The following TXNRD1 variants were observed in gnomAD, a reference collection of about 807,000 sequenced individuals.
The protein encoded by TXNRD1 is thioredoxin reductase 1, also known as thioredoxin reductase 1, cytoplasmic.
In TXNRD1, 57 loss-of-function variants were observed where a neutral mutation model predicts 80.3. The observed-to-expected ratio is 0.71, with a 90% CI of 0.57 to 0.89. The LOEUF is 0.89. Ranked by LOEUF, TXNRD1 falls within the 40% of genes least tolerant of loss-of-function variation. TXNRD1 has a pLI of 0.00. For synonymous variants in TXNRD1, 291 were observed against 285.2 expected (o/e 1.02, Z -0.20); for missense variants, 730 against 803.0 (o/e 0.91, Z 1.10).
intron 4 of TXNRD1, chr12:104,291,137 A>G (rs1482222989): frequency 1.7e-6 from 1 of 605,842 alleles, no homozygotes; most frequent in Non-Finnish European, 2.9e-6. Context: ...CATACCATCA[A>G]GAACACTTAA....
chr12:104,253,781 C>A (rs2033182520), intron 2 of TXNRD1, among the ~76,000 whole-genome samples: 1 of 151,700 alleles, frequency 6.6e-6, no homozygotes, highest in African/African-American at 2.4e-5. Flanking sequence ...GCAACCTCCG[C>A]CTCCTGGTTC....
intron 4 of TXNRD1, among the ~76,000 whole-genome samples, chr12:104,294,546 A>G (rs2034372078): frequency 6.6e-6 from 1 of 152,172 alleles, no homozygotes; most frequent in Non-Finnish European, 1.5e-5. Context: ...CCAACTAATG[A>G]TTAATGATAC....
At position 104,251,668 on chromosome 12, in the gene TXNRD1, G is replaced by A. The variant is rs369021781; in HGVS notation, c.233G>A (p.Arg78His). The A allele has an allele frequency of 1.1e-5, 18 of 1,613,696 alleles. No individual in the cohort carries two copies. The highest frequency in any genetic ancestry group is 8.9e-5 in the East Asian group (4 of 44,902). The change falls in exon 2 of 17, where the codon CGC (arginine) becomes CAC (histidine). Residue 78 changes from arginine (R) to histidine (H), a missense_variant. By Grantham distance (29) the Arg-to-His change is conservative (BLOSUM62 0). Transcript: ENST00000525566. ...VVIFSRSTCTRCTEVKKLFKS... is the reference protein window; with the variant it reads ...VVIFSRSTCTHCTEVKKLFKS... ...ATCTTCAGTAGGTCCACATGCACAC[G>A]CTGTACTGAGGTAAGGCTTTAAACT...
At chr12:104,221,193 G>T (rs1479496740) in intron 1 of TXNRD1, among the ~76,000 whole-genome samples, 1 of 152,186 alleles carries the variant, frequency 6.6e-6, no homozygotes, top group African/African-American at 2.4e-5. Flanking sequence ...AGCGTGGGAG[G>T]TCGAGGCTGC....
intron 4 of TXNRD1, among the ~76,000 whole-genome samples, chr12:104,301,525 G>A (rs892289007): frequency 6.6e-6 from 1 of 152,118 alleles, no homozygotes. Flanking sequence ...TTTTAGTAGA[G>A]ACGGGGTTTC....
chr12:104,276,514 A>G (rs918576868), intron 3 of TXNRD1: 12 of 152,212 alleles, frequency 7.9e-5, no homozygotes, highest in Non-Finnish European at 1.8e-4. Context: ...ATTAGCAAAT[A>G]CTACAAATCA....
intron 1 of TXNRD1, among the ~76,000 whole-genome samples, chr12:104,225,460 C>T (rs930452826): frequency 1.3e-5 from 2 of 152,162 alleles, no homozygotes; most frequent in African/African-American, 4.8e-5. Context: ...CAAATCTCAC[C>T]TTGAATTGTA....
intron 4 of TXNRD1, among the ~76,000 whole-genome samples, chr12:104,297,723 C>A (rs2034483692): frequency 6.6e-6 from 1 of 152,154 alleles, no homozygotes; most frequent in Admixed American, 6.5e-5. Flanking sequence ...ATCTGATAGA[C>A]TTCTGTTACA....
At chr12:104,288,724 C>A in intron 3 of TXNRD1, 1 of 1,421,592 alleles carries the variant, frequency 7.0e-7, no homozygotes, top group Non-Finnish European at 9.3e-7. Context: ...AGCCAGTGTG[C>A]GGATTTGCCG....
chr12:104,236,770 A>G (rs1274073588), intron 1 of TXNRD1, among the ~76,000 whole-genome samples: 1 of 142,958 alleles, frequency 7.0e-6, no homozygotes, highest in Non-Finnish European at 1.5e-5. Context: ...CCTGGGCAAC[A>G]AGAGTGAAAA....
chr12:104,247,581 G>A (rs1015993238), intron 1 of TXNRD1, among the ~76,000 whole-genome samples: 7 of 152,078 alleles, frequency 4.6e-5, no homozygotes, highest in Non-Finnish European at 8.8e-5. Context: ...TACAGTTAGT[G>A]GCTAACCTCT....
At chr12:104,314,541 A>G (rs1384026853) in intron 6 of TXNRD1, among the ~76,000 whole-genome samples, 1 of 152,074 alleles carries the variant, frequency 6.6e-6, no homozygotes, top group Non-Finnish European at 1.5e-5. Context: ...GTCTGTTGCC[A>G]TCTTTCACTC....
At chr12:104,227,062 C>T (rs988024380) in intron 1 of TXNRD1, among the ~76,000 whole-genome samples, 8 of 152,130 alleles carry the variant, frequency 5.3e-5, no homozygotes, top group African/African-American at 1.9e-4. Context: ...TTGCTACATT[C>T]AAGTACATTT....
chr12:104,336,215 A>G (rs984948209), intron 15 of TXNRD1, among the ~76,000 whole-genome samples: 5 of 152,172 alleles, frequency 3.3e-5, no homozygotes, highest in African/African-American at 4.8e-5. Context: ...CATTTTAACC[A>G]TATGTATTTT....
rs2035514327 is a variant in TXNRD1, at chr12:104,321,141, G to C, written c.1040G>C (p.Gly347Ala). ...TGCCCGGGTAAGACCCTGGTTGTTG[G>C]AGCATCCTATGTCGCTTTGGAGTGC... ...PYCPGKTLVV[G>A]ASYVALECAG... The change falls in exon 10 of 17, where the codon GGA (glycine) becomes GCA (alanine). Residue 347 changes from glycine (G) to alanine (A), a missense_variant. Coordinates refer to ENST00000525566, the MANE Select transcript of TXNRD1 (RefSeq NM_001093771.3). The C allele has an allele frequency of 6.2e-7, 1 of 1,612,924 alleles. No individual in the cohort carries two copies. Among genetic ancestry groups the C allele is most frequent in the Admixed American group, 1.7e-5 (1 of 59,896 alleles).
intron 1 of TXNRD1, among the ~76,000 whole-genome samples, chr12:104,248,727 C>T (rs2033046994): frequency 6.6e-6 from 1 of 152,226 alleles, no homozygotes; most frequent in Non-Finnish European, 1.5e-5. Flanking sequence ...ACGGCAGATA[C>T]TGCAGGTATA....
At chr12:104,217,782 T>C (rs2032251338) in intron 1 of TXNRD1, among the ~76,000 whole-genome samples, 2 of 152,182 alleles carry the variant, frequency 1.3e-5, no homozygotes, top group Admixed American at 1.3e-4. Context: ...CTACTTTCTG[T>C]TTCTGTGAAA....
At chr12:104,241,334 C>T (rs905581471) in intron 1 of TXNRD1, among the ~76,000 whole-genome samples, 11 of 151,998 alleles carry the variant, frequency 7.2e-5, no homozygotes, top group Admixed American at 3.3e-4. Flanking sequence ...CCACTGTGCC[C>T]GGCTGCCAAT....
intron 1 of TXNRD1, among the ~76,000 whole-genome samples, chr12:104,224,511 C>T (rs2032428763): frequency 6.6e-6 from 1 of 152,112 alleles, no homozygotes; most frequent in Non-Finnish European, 1.5e-5. Context: ...GCCTCAGCCT[C>T]CCGAGTAGCT....
Sources: gnomAD v4.1 joint callset for allele counts (sites outside exome capture counted in the v4.1 genomes callset) on GRCh38, gnomAD v4.1.1 for gene constraint, MANE v1.5 for transcripts, NCBI Gene and HGNC (gene_info 2026-07-23, HGNC 2026-07-21) for gene names.